Variants in UTRN observed in about 807,000 individuals in gnomAD.
UTRN encodes dystrophin-related protein 1.
In UTRN, 283 loss-of-function variants were observed where a neutral mutation model predicts 463.9. The ratio of observed to expected loss-of-function variants is 0.61; its 90% CI spans 0.55 to 0.67. UTRN has a LOEUF of 0.67. Among genes scored for constraint, UTRN ranks in the 30% least tolerant of loss-of-function variants. The pLI, the probability that UTRN is intolerant of heterozygous loss-of-function variation, is 0.00. For synonymous variants in UTRN, 1,442 were observed against 1,431.5 expected, an observed-to-expected ratio of 1.01 and a Z score of -0.17; for missense variants, 3,922 against 4,084.3, an observed-to-expected ratio of 0.96 and a Z score of 1.08.
Position 144,403,051 on chromosome 6 carries a change from A to T in UTRN, c.80-72A>T, listed in dbSNP as rs1783064625. On this transcript the variant is annotated intron_variant, in intron 2 of 74. Transcript: ENST00000367545. Reference sequence around the variant, plus strand: ...TTTTAAACTCTCCAGGATAGAGATAACCTTATTTGGTGCTTTACTAAAGGT... The same window carrying T: ...TTTTAAACTCTCCAGGATAGAGATATCCTTATTTGGTGCTTTACTAAAGGT... 2.9e-6 allele frequency: 4 copies of T among 1,365,186 alleles called. No homozygotes were observed. The East Asian group carries it at 9.5e-5, about 32-fold the overall frequency. The allele number at this position is 1,365,186 out of a possible 1,614,324, so 84.6% of individuals were successfully genotyped here. A position where few individuals can be genotyped will look rare whatever the true frequency, so the allele number is the denominator to read the frequency against.
At chr6:144,552,120 A>C (rs964188194) in intron 48 of UTRN, among the ~76,000 whole-genome samples, 1 of 152,220 alleles carries the variant, frequency 6.6e-6, no homozygotes, top group African/African-American at 2.4e-5. Context: ...TACCTAATAA[A>C]TATTTGTGAC....
intron 51 of UTRN, among the ~76,000 whole-genome samples, chr6:144,626,302 C>A (rs1052964569): frequency 6.6e-6 from 1 of 152,074 alleles, no homozygotes; most frequent in Non-Finnish European, 1.5e-5. Context: ...GTTTGTTATC[C>A]CAAGCATGGC....
intron 61 of UTRN, among the ~76,000 whole-genome samples, chr6:144,783,994 C>G (rs977203836): frequency 6.6e-6 from 1 of 152,166 alleles, no homozygotes; most frequent in Non-Finnish European, 1.5e-5. Context: ...AGTTGCTCTT[C>G]AATAATTTGA....
chr6:144,744,103 C>T (rs1790401768), intron 54 of UTRN, among the ~76,000 whole-genome samples: 1 of 140,548 alleles, frequency 7.1e-6, no homozygotes, highest in Non-Finnish European at 1.5e-5. Context: ...GCCTGGGTAA[C>T]ATAGTGAGAC....
At chr6:144,642,667 A>G (rs1777888676) in intron 51 of UTRN, among the ~76,000 whole-genome samples, 1 of 152,196 alleles carries the variant, frequency 6.6e-6, no homozygotes, top group African/African-American at 2.4e-5. Context: ...TTTTGGGGAA[A>G]TTACAAAATA....
intron 2 of UTRN, among the ~76,000 whole-genome samples, chr6:144,310,535 CAA>C (rs59215811): frequency 3.9e-4 from 36 of 92,038 alleles, no homozygotes; most frequent in African/African-American, 1.4e-3. Flanking sequence ...AACTCCGTCT[CAA>C]AAAAAAAAAA....
intron 53 of UTRN, among the ~76,000 whole-genome samples, chr6:144,725,989 G>C (rs532856046): frequency 3.3e-5 from 5 of 152,032 alleles, no homozygotes; most frequent in Non-Finnish European, 7.4e-5. Context: ...GAGTTCGCGA[G>C]ACATTCTCCA....
At chr6:144,700,060 A>G (rs1403335173) in intron 52 of UTRN, 27 bp from the exon 53 acceptor site, 3 of 1,245,342 alleles carry the variant, frequency 2.4e-6, no homozygotes, top group Non-Finnish European at 2.1e-6. Flanking sequence ...AAATGTGGTT[A>G]TTATTATTAT....
chr6:144,516,861 A>G lies in UTRN; in HGVS notation c.5454A>G (p.Glu1818=), dbSNP rs1795656853. 1 of 1,516,826 alleles carries G rather than the reference A, an allele frequency of 6.6e-7. No individual in the cohort carries two copies. The highest frequency in any genetic ancestry group is 8.8e-7 in the Non-Finnish European group (1 of 1,134,120). 94.0% of individuals were successfully genotyped at this position (1,516,826 alleles called of 1,614,324 possible). A position where few individuals can be genotyped will look rare whatever the true frequency, so the allele number is the denominator to read the frequency against. Residue 1818 remains glutamate (E), a synonymous_variant, in exon 39 of 75, where the codon GAA becomes GAG. Transcript: ENST00000367545. ...QIEEVLQRGE[E]MLHQPMEDNK... ...AGGAAGTTCTACAAAGAGGAGAAGAAATGTTACATCAACCTATGGAAGATA... is the reference window on the plus strand; with the variant it reads ...AGGAAGTTCTACAAAGAGGAGAAGAGATGTTACATCAACCTATGGAAGATA...
rs151298383 is a variant in UTRN at position 144,578,072 on chromosome 6, G to A, written c.7479+784G>A. ...ACAAAAATTAGTCGGGCGTGGTGGT[G>A]CGCACCTGTAGTCCCAGCTACTTGG... On this transcript the variant is annotated intron_variant, in intron 51 of 74. Transcript: ENST00000367545. 2.6e-5 allele frequency among the ~76,000 whole-genome samples: 4 copies of A among 152,164 alleles called. No homozygotes were observed. In the East Asian group the frequency reaches 5.8e-4, roughly 22 times the overall value.
chr6:144,425,944 A>G (rs1785256061), intron 6 of UTRN, among the ~76,000 whole-genome samples: 1 of 152,236 alleles, frequency 6.6e-6, no homozygotes, highest in African/African-American at 2.4e-5. Context: ...AATTTAATTG[A>G]AAAGGTCTTT....
chr6:144,502,968 T>G (rs1345579241), intron 34 of UTRN, among the ~76,000 whole-genome samples: 1 of 152,214 alleles, frequency 6.6e-6, no homozygotes, highest in Non-Finnish European at 1.5e-5. Flanking sequence ...TGGTATCTCA[T>G]TGTAGTTTTG....
At chr6:144,523,236 T>G (rs746648559) in intron 41 of UTRN, 48 bp downstream of exon 41, 77 of 1,400,436 alleles carry the variant, frequency 5.5e-5, no homozygotes, top group Non-Finnish European at 7.0e-5. Flanking sequence ...TGCCTGCAAG[T>G]TCATGGGCGT....
At chr6:144,766,019 G>A (rs1428270344) in intron 58 of UTRN, among the ~76,000 whole-genome samples, 1 of 151,456 alleles carries the variant, frequency 6.6e-6, no homozygotes, top group African/African-American at 2.4e-5. Context: ...AGTGGATGAG[G>A]AAGTTGAATA....
intron 64 of UTRN, chr6:144,799,409 G>C (rs1777522125): frequency 2.1e-6 from 1 of 471,078 alleles, no homozygotes; most frequent in Non-Finnish European, 4.4e-6. Flanking sequence ...TAGCCTGGCA[G>C]ACAGCTAGGG....
At chr6:144,670,083 T>C (rs972775699) in intron 51 of UTRN, among the ~76,000 whole-genome samples, 1 of 152,180 alleles carries the variant, frequency 6.6e-6, no homozygotes, top group Non-Finnish European at 1.5e-5. Context: ...GGTGCTGCTA[T>C]AAACATTCCT....
intron 51 of UTRN, among the ~76,000 whole-genome samples, chr6:144,647,045 G>A (rs561501124): frequency 6.6e-6 from 1 of 152,076 alleles, no homozygotes; most frequent in Non-Finnish European, 1.5e-5. Context: ...CCAGAAGAGA[G>A]GATAGGAGTA....
chr6:144,738,109 C>T lies in UTRN; in HGVS notation c.7939+7623C>T, dbSNP rs988143064. Among the ~76,000 whole-genome samples, 3 of 152,158 alleles carry T rather than the reference C, an allele frequency of 2.0e-5. No homozygotes were observed. The South Asian group carries it at 6.2e-4, about 32-fold the overall frequency. ...GCGTCTATGACAATGACTTCCTTAA[C>T]CTCTGGATTTTGGCTGGCTTTTGAC... On this transcript the variant is annotated intron_variant, in intron 54 of 74. Coordinates refer to ENST00000367545, the MANE Select transcript of UTRN (RefSeq NM_007124.3).
At chr6:144,593,359 A>T (rs1803312654) in intron 51 of UTRN, among the ~76,000 whole-genome samples, 1 of 152,146 alleles carries the variant, frequency 6.6e-6, no homozygotes, top group African/African-American at 2.4e-5. Context: ...AAATTTGGTG[A>T]CACCCCTAGG....
Sources: gnomAD v4.1 joint callset for allele counts (sites outside exome capture counted in the v4.1 genomes callset) on GRCh38, gnomAD v4.1.1 for gene constraint, MANE v1.5 for transcripts, NCBI Gene and HGNC (gene_info 2026-07-23, HGNC 2026-07-21) for gene names.